N4BP1: variants seen among roughly 807,000 people sequenced by gnomAD.
N4BP1 encodes the protein NEDD4-binding protein 1.
N4BP1 carries 21 observed loss-of-function variants against 70.9 expected under a neutral mutation model. The ratio of observed to expected loss-of-function variants is 0.30; its 90% CI spans 0.21 to 0.43. The LOEUF (loss-of-function observed/expected upper bound fraction) is 0.43, where lower values mean the gene tolerates loss of function less well. Among genes scored for constraint, N4BP1 ranks in the 20% least tolerant of loss-of-function variants. The pLI, the probability that N4BP1 is intolerant of heterozygous loss-of-function variation, is 1.00. For missense variants in N4BP1, 936 were observed against 1,069.4 expected (o/e 0.88, Z 1.74); for synonymous variants, 387 against 394.6 (o/e 0.98, Z 0.23).
intron 2 of N4BP1, among the ~76,000 whole-genome samples, chr16:48,556,837 A>G (rs1350295216): frequency 6.6e-6 from 1 of 152,192 alleles, no homozygotes; most frequent in East Asian, 1.9e-4. Flanking sequence ...TATGGAAAAA[A>G]AAATGGCTAA....
chr16:48,603,708 C>T (rs1002127698), intron 1 of N4BP1: 13 of 152,120 alleles, frequency 8.5e-5, no homozygotes, highest in African/African-American at 2.9e-4. Context: ...CCTCAGAATT[C>T]CTTTACATCC....
Position 48,589,883 on chromosome 16 carries a change from C to T in N4BP1, c.198+19892G>A, listed in dbSNP as rs374961584. Among the ~76,000 whole-genome samples the T allele has an allele frequency of 1.3e-3, 193 of 152,060 alleles. 1 individual carries two copies. The highest frequency in any genetic ancestry group is 2.8e-4 in the Non-Finnish European group (19 of 68,020). On this transcript the variant is annotated intron_variant, in intron 1 of 6. Transcript: ENST00000262384. The stretch of plus-strand genomic sequence containing the variant: ...TTCTTGTTCATTGCTGGGTGTAGGT[C>T]GAAATAACCTTGGGAAGGAATTCAG...
In N4BP1 at chr16:48,581,796, A is replaced by C. The variant is rs556574176; in HGVS notation, c.199-19352T>G. ...ATCCTTATCTCGCATCATATACAAT[A>C]ATCAACTAAAGATGGATTAAAGACT... On this transcript the variant is annotated intron_variant, in intron 1 of 6. Coordinates refer to ENST00000262384, the MANE Select transcript of N4BP1 (RefSeq NM_153029.4). 2.0e-5 allele frequency among the ~76,000 whole-genome samples: 3 copies of C among 152,332 alleles called. No individual in the cohort carries two copies. In the East Asian group the frequency reaches 5.8e-4, roughly 29 times the overall value.
intron 1 of N4BP1, among the ~76,000 whole-genome samples, chr16:48,580,967 G>C (rs1457648008): frequency 6.6e-6 from 1 of 152,044 alleles, no homozygotes; most frequent in Admixed American, 6.5e-5. Context: ...CCAGGGACCT[G>C]AGTAGCTGCA....
Position 48,562,186 on chromosome 16 carries a change from C to A in N4BP1, c.457G>T (p.Glu153Ter). 6.2e-7 allele frequency: 1 copy of A among 1,613,980 alleles called. No homozygotes were observed. Among genetic ancestry groups the A allele is most frequent in the Non-Finnish European group, 8.5e-7 (1 of 1,179,880 alleles). ...TTGAATTCCCTTTTCACCTCTGATT[C>A]TTTCTGACTACTGGGTAGGTTCTCT... is the stretch of plus-strand genomic sequence containing the variant. ...NKENLPSSQK[E>*]SEVKREFKQF... is the part of the protein sequence containing the mutation. The change falls in exon 2 of 7, where the codon GAA (glutamate) becomes TAA (stop). Residue 153 changes from glutamate to a stop codon, truncating the protein, a stop_gained. Coordinates refer to ENST00000262384, the MANE Select transcript of N4BP1 (RefSeq NM_153029.4). LOFTEE classifies it high-confidence loss of function.
intron 1 of N4BP1, among the ~76,000 whole-genome samples, chr16:48,599,797 TG>T (rs1255945141): frequency 6.6e-6 from 1 of 152,224 alleles, no homozygotes; most frequent in Non-Finnish European, 1.5e-5. Flanking sequence ...TAGGGTTTTC[TG>T]GAAAACTGTT....
chr16:48,601,637 C>T (rs868710626), intron 1 of N4BP1, among the ~76,000 whole-genome samples: 4 of 152,128 alleles, frequency 2.6e-5, no homozygotes, highest in African/African-American at 9.7e-5. Flanking sequence ...ATGTAAATTA[C>T]TAATTCTATC....
chr16:48,560,674 T>G, intron 2 of N4BP1, 80 bp downstream of exon 2: 1 of 1,494,310 alleles, frequency 6.7e-7, no homozygotes, highest in Non-Finnish European at 9.0e-7. Flanking sequence ...CATGTATGTA[T>G]AGTTCCCATA....
At chr16:48,559,240 A>G (rs1265367281) in intron 2 of N4BP1, among the ~76,000 whole-genome samples, 15 of 152,212 alleles carry the variant, frequency 9.9e-5, no homozygotes, top group South Asian at 2.1e-4. Flanking sequence ...CTATAAACAT[A>G]TATTTCAAAA....
At chr16:48,592,663 C>T (rs551117183) in intron 1 of N4BP1, among the ~76,000 whole-genome samples, 35 of 152,290 alleles carry the variant, frequency 2.3e-4, no homozygotes, top group Admixed American at 7.8e-4. Flanking sequence ...ATATAACTTT[C>T]GTAATCTTTT....
intron 1 of N4BP1, among the ~76,000 whole-genome samples, chr16:48,605,450 T>C (rs991669465): frequency 1.3e-5 from 2 of 152,168 alleles, no homozygotes; most frequent in Admixed American, 1.3e-4. Context: ...AATCTCTATT[T>C]GCGAATGAGG....
At chr16:48,568,331 A>C (rs1963970616) in intron 1 of N4BP1, among the ~76,000 whole-genome samples, 1 of 152,220 alleles carries the variant, frequency 6.6e-6, no homozygotes, top group Non-Finnish European at 1.5e-5. Flanking sequence ...TCCCAATGTT[A>C]GGTTACAGTG....
At chr16:48,549,523 A>AG (rs1963635716) in intron 4 of N4BP1, among the ~76,000 whole-genome samples, 1 of 152,220 alleles carries the variant, frequency 6.6e-6, no homozygotes, top group Non-Finnish European at 1.5e-5. Context: ...AAAGGACCTG[A>AG]GCCCTGCAGG....
At chr16:48,598,477 GA>G (rs563413899) in intron 1 of N4BP1, among the ~76,000 whole-genome samples, 395 of 152,272 alleles carry the variant, frequency 2.6e-3, no homozygotes, top group Non-Finnish European at 3.7e-3. Flanking sequence ...AGAAGGTGGA[GA>G]GTCACAGGAC....
In N4BP1 at chr16:48,608,790, G is replaced by A. The variant is rs149252136; in HGVS notation, c.198+985C>T. 7.6e-3 allele frequency among the ~76,000 whole-genome samples: 1,158 copies of A among 151,548 alleles called. 17 individuals are homozygous for A. The highest frequency in any genetic ancestry group is 0.027 in the African/African-American group (1,109 of 41,282). On this transcript the variant is annotated intron_variant, in intron 1 of 6. Coordinates refer to ENST00000262384, the MANE Select transcript of N4BP1 (RefSeq NM_153029.4). ...AAAAAAGGCGGGGTGGTGGTGGGGA[G>A]GATAAAATCTACCTTATTAGAAGCC...
rs192230458 is a variant in N4BP1, at chr16:48,605,566, C to T, written c.198+4209G>A. 5.1e-3 allele frequency among the ~76,000 whole-genome samples: 778 copies of T among 152,260 alleles called. 5 individuals are homozygous for T. The highest frequency in any genetic ancestry group is 0.01 in the Middle Eastern group (3 of 294). ...GACTTCTTTCCCCTCTCTCTGGGCC[C>T]CCTATGGACAATGCCCTCTTATAAG... On this transcript the variant is annotated intron_variant, in intron 1 of 6. Transcript: ENST00000262384.
chr16:48,609,814 C>T lies in N4BP1; in HGVS notation c.159G>A (p.Leu53=). 1 of 1,484,982 alleles carries T rather than the reference C, an allele frequency of 6.7e-7. No individual in the cohort carries two copies. Among genetic ancestry groups the T allele is most frequent in the African/African-American group, 1.5e-5 (1 of 68,730 alleles). The allele number at this position is 1,484,982 out of a possible 1,614,324, so 92.0% of individuals were successfully genotyped here. A position where few individuals can be genotyped will look rare whatever the true frequency, so the allele number is the denominator to read the frequency against. Residue 53 remains leucine (L), a synonymous_variant, in exon 1 of 7, where the codon CTG becomes CTA. Coordinates refer to ENST00000262384, the MANE Select transcript of N4BP1 (RefSeq NM_153029.4). The part of the protein sequence containing the change: ...AEEPLPARIW[L]QLCGAQEAVH... The stretch of plus-strand genomic sequence containing the variant: ...CCGCCTCCTGCGCCCCGCAGAGCTG[C>T]AGCCAGATGCGCGCGGGCAGCGGCT...
chr16:48,591,774 C>T (rs1242265618), intron 1 of N4BP1, among the ~76,000 whole-genome samples: 1 of 148,838 alleles, frequency 6.7e-6, no homozygotes. Context: ...TAACAGCTTC[C>T]ACTTTGGAAA....
intron 1 of N4BP1, among the ~76,000 whole-genome samples, chr16:48,569,840 G>T (rs1397821514): frequency 1.3e-5 from 2 of 152,206 alleles, no homozygotes; most frequent in African/African-American, 4.8e-5. Context: ...TTGGGGATGA[G>T]CCAAGGGGAT....
Sources: allele counts gnomAD v4.1 joint callset (sites outside exome capture counted in the v4.1 genomes callset), GRCh38; gene constraint gnomAD v4.1.1; transcripts MANE v1.5; gene names NCBI Gene and HGNC (gene_info 2026-07-23, HGNC 2026-07-21).